Variants in KITLG observed in about 807,000 individuals in gnomAD.
KITLG encodes c-Kit ligand.
Under a neutral mutation model 34.1 loss-of-function variants are expected in KITLG, and 13 were observed. That is an observed-to-expected ratio of 0.38 (90% CI 0.25 to 0.61). KITLG has a LOEUF of 0.61. KITLG is among the 20% of genes least tolerant of loss of function. KITLG has a pLI of 0.60. For synonymous variants in KITLG, 110 were observed against 104.0 expected, an observed-to-expected ratio of 1.06 and a Z score of -0.35; for missense variants, 292 against 318.9, an observed-to-expected ratio of 0.92 and a Z score of 0.64.
At chr12:88,532,151 G>T (rs1297128660) in intron 3 of KITLG, among the ~76,000 whole-genome samples, 1 of 152,120 alleles carries the variant, frequency 6.6e-6, no homozygotes, top group African/African-American at 2.4e-5. Context: ...TGATGGTGGA[G>T]TGAGTGGGGA....
rs1317283716 is a variant in KITLG at position 88,493,126 on chromosome 12, A to C, written c.*4093T>G. Reference sequence around the variant, plus strand: ...AAAAATGGTGGCAAGTGGACACTATAATCACATATTAACCCTTAGAATATA... The same window carrying C: ...AAAAATGGTGGCAAGTGGACACTATCATCACATATTAACCCTTAGAATATA... On this transcript the variant is annotated 3_prime_UTR_variant, in exon 10 of 10. Transcript: ENST00000644744. The C allele has an allele frequency of 6.6e-6, 1 of 152,340 alleles. No individual in the cohort carries two copies. The highest frequency in any genetic ancestry group is 2.4e-5 in the African/African-American group (1 of 41,426). The allele number at this position is 152,340 out of a possible 1,614,324, so 9.4% of individuals were successfully genotyped here.
At chr12:88,511,813 T>A (rs192424401) in intron 6 of KITLG, among the ~76,000 whole-genome samples, 1 of 152,250 alleles carries the variant, frequency 6.6e-6, no homozygotes, top group Non-Finnish European at 1.5e-5. Flanking sequence ...ATCTCAGATA[T>A]TCCATGCCTT....
chr12:88,531,086 T>C (rs370990255), intron 3 of KITLG, among the ~76,000 whole-genome samples: 1 of 152,186 alleles, frequency 6.6e-6, no homozygotes, highest in African/African-American at 2.4e-5. Flanking sequence ...TGAGTCAACA[T>C]AAAACAACTT....
chr12:88,576,225 G>A (rs892450519), intron 1 of KITLG, among the ~76,000 whole-genome samples: 8 of 151,916 alleles, frequency 5.3e-5, no homozygotes, highest in African/African-American at 1.5e-4. Context: ...CTTCAAAAAC[G>A]TAGCACCTCT....
rs931134648 is a variant in KITLG at position 88,499,787 on chromosome 12, C to A, written c.*38-2606G>T. On this transcript the variant is annotated intron_variant, in intron 9 of 9. Transcript: ENST00000644744. ...CTAGGATTTGTTGATTCTTTTACTG[C>A]AATGTCTTCAAATGGTCTATGCTTT... Among the ~76,000 whole-genome samples, 8 of 152,182 alleles carry A rather than the reference C, an allele frequency of 5.3e-5. No homozygotes were observed. The East Asian group carries it at 9.6e-4, about 18-fold the overall frequency.
At chr12:88,564,005 A>T (rs573302583) in intron 1 of KITLG, among the ~76,000 whole-genome samples, 1 of 152,276 alleles carries the variant, frequency 6.6e-6, no homozygotes, top group South Asian at 2.1e-4. Context: ...ACAGTAAGGA[A>T]GGAGATGATT....
Position 88,496,376 on chromosome 12 carries a change from A to T in KITLG, c.*843T>A, listed in dbSNP as rs570766170. 1 of 152,280 alleles carries T rather than the reference A, an allele frequency of 6.6e-6. No individual in the cohort carries two copies. The highest frequency in any genetic ancestry group is 2.4e-5 in the African/African-American group (1 of 41,572). The allele number at this position is 152,280 out of a possible 1,614,324, so 9.4% of individuals were successfully genotyped here. On this transcript the variant is annotated 3_prime_UTR_variant, in exon 10 of 10. Coordinates refer to ENST00000644744, the MANE Select transcript of KITLG (RefSeq NM_000899.5). ...TAAACACATCATAACACATTTTGCA[A>T]ACACGATTTATACACCCTATAGTGG...
At chr12:88,519,456 C>T (rs996607241) in intron 3 of KITLG, among the ~76,000 whole-genome samples, 1 of 152,014 alleles carries the variant, frequency 6.6e-6, no homozygotes, top group Non-Finnish European at 1.5e-5. Context: ...ATTGAATTGG[C>T]TCATTAAAAG....
chr12:88,570,346 G>T (rs1871605350), intron 1 of KITLG, among the ~76,000 whole-genome samples: 1 of 152,046 alleles, frequency 6.6e-6, no homozygotes, highest in African/African-American at 2.4e-5. Context: ...GGAAACCCAG[G>T]CTCCCTGACC....
intron 6 of KITLG, among the ~76,000 whole-genome samples, chr12:88,514,630 C>G (rs1374649340): frequency 6.6e-6 from 1 of 151,616 alleles, no homozygotes; most frequent in Non-Finnish European, 1.5e-5. Flanking sequence ...GATAAATAGA[C>G]TATAAATAGC....
intron 9 of KITLG, among the ~76,000 whole-genome samples, chr12:88,501,031 C>T (rs1014999289): frequency 6.6e-6 from 1 of 152,166 alleles, no homozygotes; most frequent in Non-Finnish European, 1.5e-5. Flanking sequence ...CCTCCCACCT[C>T]AGCCCCCCAA....
Position 88,532,102 on chromosome 12 carries a change from T to C in KITLG, c.192+339A>G, listed in dbSNP as rs115142676. The stretch of plus-strand genomic sequence containing the variant: ...AGGTTATATGCAAATACTATGCCAT[T>C]CATAGAAATGACTTGAGCATCCTAG... On this transcript the variant is annotated intron_variant, in intron 3 of 9. Transcript: ENST00000644744. Among the ~76,000 whole-genome samples the C allele has an allele frequency of 4.7e-3, 716 of 152,174 alleles. 5 individuals carry two copies. The highest frequency in any genetic ancestry group is 0.017 in the African/African-American group (702 of 41,524).
At chr12:88,563,579 C>T (rs1871357592) in intron 1 of KITLG, among the ~76,000 whole-genome samples, 1 of 152,144 alleles carries the variant, frequency 6.6e-6, no homozygotes, top group African/African-American at 2.4e-5. Context: ...TCTTTTATTC[C>T]AATTGTTTAT....
At chr12:88,512,329 A>G (rs533689131) in intron 6 of KITLG, among the ~76,000 whole-genome samples, 15 of 152,258 alleles carry the variant, frequency 9.9e-5, no homozygotes, top group Non-Finnish European at 2.1e-4. Context: ...ACTTGAAAGC[A>G]GACAAGTAGA....
intron 1 of KITLG, among the ~76,000 whole-genome samples, chr12:88,575,002 A>G (rs932215928): frequency 8.5e-5 from 13 of 152,230 alleles, no homozygotes; most frequent in Non-Finnish European, 7.3e-5. Flanking sequence ...CTTATTCATA[A>G]TCATAAAACA....
At chr12:88,520,721 G>A (rs564948539) in intron 3 of KITLG, among the ~76,000 whole-genome samples, 8 of 151,946 alleles carry the variant, frequency 5.3e-5, no homozygotes, top group Non-Finnish European at 1.2e-4. Context: ...TTGTTGATTT[G>A]TTTCTTATTT....
At chr12:88,559,123 G>A (rs1238871268) in intron 1 of KITLG, among the ~76,000 whole-genome samples, 1 of 152,190 alleles carries the variant, frequency 6.6e-6, no homozygotes, top group Non-Finnish European at 1.5e-5. Flanking sequence ...ACAGAATACT[G>A]TTGATTGTCT....
At chr12:88,547,072 G>A (rs1251545979) in intron 1 of KITLG, among the ~76,000 whole-genome samples, 1 of 152,178 alleles carries the variant, frequency 6.6e-6, no homozygotes, top group Non-Finnish European at 1.5e-5. Context: ...AAACCATGCA[G>A]ATGTGAAGAC....
chr12:88,538,615 C>T (rs1870413014), intron 2 of KITLG, among the ~76,000 whole-genome samples: 1 of 151,974 alleles, frequency 6.6e-6, no homozygotes. Context: ...TTTGAATATA[C>T]ATTAAATGTT....
Sources: gnomAD v4.1 joint callset for allele counts (sites outside exome capture counted in the v4.1 genomes callset) on GRCh38, gnomAD v4.1.1 for gene constraint, MANE v1.5 for transcripts, NCBI Gene and HGNC (gene_info 2026-07-23, HGNC 2026-07-21) for gene names.